CACNA2D3: variants seen among roughly 807,000 people sequenced by gnomAD.
The protein encoded by CACNA2D3 is voltage-dependent calcium channel subunit alpha-2/delta-3.
Under a neutral mutation model 160.6 loss-of-function variants are expected in CACNA2D3, and 60 were observed. The observed-to-expected ratio is 0.37, with a 90% CI of 0.30 to 0.46. CACNA2D3 has a LOEUF of 0.46. Ranked by LOEUF, CACNA2D3 falls within the 20% of genes least tolerant of loss-of-function variation. The pLI, the probability that CACNA2D3 is intolerant of heterozygous loss-of-function variation, is 1.00. For missense variants in CACNA2D3, 1,205 were observed against 1,365.0 expected (o/e 0.88, Z 1.85); for synonymous variants, 558 against 492.9 (o/e 1.13, Z -1.75).
chr3:54,539,727 G>A (rs1254988111), intron 5 of CACNA2D3, among the ~76,000 whole-genome samples: 1 of 152,180 alleles, frequency 6.6e-6, no homozygotes, highest in African/African-American at 2.4e-5. Flanking sequence ...GCTGGGGCAG[G>A]CAGCTCACAA....
chr3:54,832,192 T>C (rs946113307), intron 14 of CACNA2D3, among the ~76,000 whole-genome samples: 2 of 152,122 alleles, frequency 1.3e-5, no homozygotes, highest in Non-Finnish European at 2.9e-5. Flanking sequence ...TTGCTCCTGG[T>C]TAGAAAAAGA....
intron 2 of CACNA2D3, among the ~76,000 whole-genome samples, chr3:54,133,128 T>C (rs1260632718): frequency 1.3e-5 from 2 of 152,182 alleles, no homozygotes; most frequent in South Asian, 2.1e-4. Context: ...TCCATCAAAG[T>C]TGCCTACAAC....
chr3:54,247,312 T>TCAAACAAACAAACAAA (rs112242643), intron 2 of CACNA2D3, among the ~76,000 whole-genome samples: 3,268 of 150,830 alleles, frequency 0.022, 79 homozygotes, highest in South Asian at 0.12. Context: ...CGACTCCATC[T>TCAAACAAACAAACAAA]CAAACAAACA....
intron 9 of CACNA2D3, among the ~76,000 whole-genome samples, chr3:54,598,478 AAAT>A (rs1413110214): frequency 2.0e-5 from 3 of 152,122 alleles, no homozygotes; most frequent in Non-Finnish European, 4.4e-5. Flanking sequence ...TTATTTACTC[AAAT>A]AATAATGATG....
At chr3:55,018,453 T>TC (rs774940706) in intron 35 of CACNA2D3, 136 bp downstream of exon 35, 2 of 616,648 alleles carry the variant, frequency 3.2e-6, no homozygotes, top group Non-Finnish European at 5.9e-6. Context: ...AGGAAGTATT[T>TC]CTATCAGCTT....
chr3:54,312,657 ATTTCTGTGTCT>A (rs1703767464), intron 2 of CACNA2D3, among the ~76,000 whole-genome samples: 1 of 152,208 alleles, frequency 6.6e-6, no homozygotes, highest in Non-Finnish European at 1.5e-5. Context: ...GAAATAATGC[ATTTCTGTGTCT>A]TCCTTCCCAA....
intron 13 of CACNA2D3, among the ~76,000 whole-genome samples, chr3:54,769,660 C>T (rs527698259): frequency 8.8e-4 from 134 of 152,186 alleles, no homozygotes; most frequent in South Asian, 7.7e-3. Flanking sequence ...TATTTATTGT[C>T]ATTTCCCAAT....
At position 54,305,676 on chromosome 3, in the gene CACNA2D3, T is replaced by C. The variant is rs58614419; in HGVS notation, c.205-14766T>C. On this transcript the variant is annotated intron_variant, in intron 2 of 37. Transcript: ENST00000474759. ...ACCATTCACACACTGAAGGACTTTT[T>C]CCAGGACTTCTTGGAAGTGCACAGA... 3.9e-3 allele frequency among the ~76,000 whole-genome samples: 589 copies of C among 152,358 alleles called. 15 individuals carry two copies. The East Asian group carries it at 0.063, about 16-fold the overall frequency.
At chr3:54,228,864 C>T (rs1055087685) in intron 2 of CACNA2D3, among the ~76,000 whole-genome samples, 1 of 152,174 alleles carries the variant, frequency 6.6e-6, no homozygotes, top group Non-Finnish European at 1.5e-5. Context: ...CAGTGCCCTG[C>T]CGCTCTTCTC....
intron 2 of CACNA2D3, among the ~76,000 whole-genome samples, chr3:54,315,486 G>C (rs1703838552): frequency 6.6e-6 from 1 of 152,170 alleles, no homozygotes; most frequent in Non-Finnish European, 1.5e-5. Context: ...TTTTATGGTA[G>C]TAAAATGGGT....
chr3:54,231,149 A>T (rs1701762605), intron 2 of CACNA2D3, among the ~76,000 whole-genome samples: 1 of 152,074 alleles, frequency 6.6e-6, no homozygotes, highest in Non-Finnish European at 1.5e-5. Context: ...CAGGGAGAGG[A>T]TGAGGGGAGT....
chr3:54,801,084 T>C (rs551718309), intron 13 of CACNA2D3, among the ~76,000 whole-genome samples: 114 of 151,638 alleles, frequency 7.5e-4, no homozygotes, highest in African/African-American at 2.5e-3. Context: ...CTTCCCAGGC[T>C]CAACAGATTC....
chr3:54,494,456 A>G (rs1156685071), intron 4 of CACNA2D3, among the ~76,000 whole-genome samples: 3 of 152,180 alleles, frequency 2.0e-5, no homozygotes, highest in South Asian at 2.1e-4. Flanking sequence ...AGATTATTCA[A>G]TTAAATGGCA....
chr3:54,741,586 A>T (rs897316388), intron 11 of CACNA2D3, among the ~76,000 whole-genome samples: 3 of 122,844 alleles, frequency 2.4e-5, no homozygotes, highest in South Asian at 3.1e-4. Context: ...AAAGAAAAAA[A>T]AATAATAAGA....
chr3:54,816,811 C>G lies in CACNA2D3; in HGVS notation c.1381-42C>G, dbSNP rs372648594. On this transcript the variant is annotated intron_variant, in intron 13 of 37. Coordinates refer to ENST00000474759, the MANE Select transcript of CACNA2D3 (RefSeq NM_018398.3). Reference sequence around the variant, plus strand: ...TACCATTAATTACTTATATAATGATCAACTTTTTTCTTTTTTGTTTTGTTT... The same window carrying G: ...TACCATTAATTACTTATATAATGATGAACTTTTTTCTTTTTTGTTTTGTTT... 71 of 1,607,618 alleles carry G rather than the reference C, an allele frequency of 4.4e-5. No homozygotes were observed. The African/African-American group carries it at 7.5e-4, about 17-fold the overall frequency.
intron 11 of CACNA2D3, among the ~76,000 whole-genome samples, chr3:54,715,053 A>C (rs539311148): frequency 6.6e-6 from 1 of 152,190 alleles, no homozygotes; most frequent in African/African-American, 2.4e-5. Context: ...GACACTATCT[A>C]CCTGGAGACA....
chr3:54,712,460 C>T (rs772913152), intron 11 of CACNA2D3, among the ~76,000 whole-genome samples: 12 of 152,082 alleles, frequency 7.9e-5, no homozygotes, highest in Non-Finnish European at 1.2e-4. Context: ...CTTTCCTGTG[C>T]AATTCTCATG....
At chr3:54,152,259 G>A (rs1700166182) in intron 2 of CACNA2D3, among the ~76,000 whole-genome samples, 1 of 152,184 alleles carries the variant, frequency 6.6e-6, no homozygotes, top group Admixed American at 6.5e-5. Flanking sequence ...AGAAGCGGGG[G>A]CATTGTGCTG....
At chr3:55,066,220 G>A (rs1704633162) in intron 35 of CACNA2D3, among the ~76,000 whole-genome samples, 1 of 152,190 alleles carries the variant, frequency 6.6e-6, no homozygotes. Flanking sequence ...CGGGGAACAG[G>A]ACACTGTGAA....
Sources: gnomAD v4.1 joint callset for allele counts (sites outside exome capture counted in the v4.1 genomes callset) on GRCh38, gnomAD v4.1.1 for gene constraint, MANE v1.5 for transcripts, NCBI Gene and HGNC (gene_info 2026-07-23, HGNC 2026-07-21) for gene names.